AGBL2: variants seen among roughly 807,000 people sequenced by gnomAD.
The protein encoded by AGBL2 is cytosolic carboxypeptidase 2.
A neutral mutation model predicts 103.0 loss-of-function variants in AGBL2; 87 were observed. The ratio of observed to expected loss-of-function variants is 0.84; its 90% CI spans 0.71 to 1.01. The LOEUF (loss-of-function observed/expected upper bound fraction) is 1.01. AGBL2 is among the 50% of genes least tolerant of loss of function. AGBL2 has a pLI of 0.00. For synonymous variants in AGBL2, 335 were observed against 356.7 expected (o/e 0.94, Z 0.69); for missense variants, 904 against 1,023.5 (o/e 0.88, Z 1.59).
intron 11 of AGBL2, among the ~76,000 whole-genome samples, 161 bp from the exon 12 acceptor site, chr11:47,682,256 CA>C (rs777127776): frequency 1.3e-5 from 2 of 152,040 alleles, no homozygotes; most frequent in Non-Finnish European, 2.9e-5. Context: ...ACAGGTATTA[CA>C]GGGGAAAAAG....
chr11:47,677,933 T>TA (rs2097382098), intron 13 of AGBL2, among the ~76,000 whole-genome samples: 1 of 152,130 alleles, frequency 6.6e-6, no homozygotes, highest in African/African-American at 2.4e-5. Context: ...AGCACTGCTC[T>TA]AGCCACTTTT....
chr11:47,696,937 T>G (rs539139908), intron 8 of AGBL2, among the ~76,000 whole-genome samples: 82 of 152,262 alleles, frequency 5.4e-4, no homozygotes, highest in Non-Finnish European at 8.5e-4. Flanking sequence ...TTTATTTATT[T>G]ATTGATTTTT....
chr11:47,691,729 A>AAAAAAAAAAAAAAAT, intron 9 of AGBL2, among the ~76,000 whole-genome samples: 6 of 4,856 alleles, frequency 1.2e-3, no homozygotes, highest in Admixed American at 4.2e-3. Flanking sequence ...AAAAAAAAAA[A>AAAAAAAAAAAAAAAT]ATATATATAT....
intron 8 of AGBL2, among the ~76,000 whole-genome samples, chr11:47,695,419 G>A (rs1435021698): frequency 3.4e-5 from 5 of 147,202 alleles, no homozygotes; most frequent in Non-Finnish European, 7.4e-5. Context: ...AGATTGCGGT[G>A]AGCCGAAATC....
chr11:47,710,343 G>A, intron 4 of AGBL2, 34 bp downstream of exon 4: 1 of 1,613,628 alleles, frequency 6.2e-7, no homozygotes, highest in Middle Eastern at 1.7e-4. Flanking sequence ...AGGCAATGAG[G>A]TTCTAGAGGT....
intron 3 of AGBL2, chr11:47,713,937 G>T: frequency 4.7e-6 from 1 of 214,344 alleles, no homozygotes; most frequent in Non-Finnish European, 9.5e-6. Flanking sequence ...GAACAGCCGT[G>T]ACACTTCTGA....
rs1334413475 is a variant in AGBL2, at chr11:47,682,087, A to G, written c.1797T>C (p.Phe599=). The G allele has an allele frequency of 6.2e-7, 1 of 1,613,424 alleles. No individual in the cohort carries two copies. Among genetic ancestry groups the G allele is most frequent in the Admixed American group, 1.7e-5 (1 of 59,786 alleles). The change falls in exon 12 of 19, where the codon TTT becomes TTC. Residue 599 remains phenylalanine (F), a synonymous_variant. Coordinates refer to ENST00000525123, the MANE Select transcript of AGBL2 (RefSeq NM_024783.4). The stretch of plus-strand genomic sequence containing the variant: ...TTTGGACCTTAAAATTACAACTGTG[A>G]AAAGAGAACTAAAAAGAAATCCAAA... ...LCKNAPDKFS[F]HSCNFKVQKC...
intron 7 of AGBL2, among the ~76,000 whole-genome samples, chr11:47,703,092 C>T (rs555407801): frequency 4.6e-5 from 7 of 151,842 alleles, no homozygotes; most frequent in East Asian, 1.9e-4. Flanking sequence ...TCCACCATTC[C>T]GACAAGAAAA....
chr11:47,678,343 A>ATTATTATTT (rs2097385523), intron 13 of AGBL2, among the ~76,000 whole-genome samples: 2 of 116,870 alleles, frequency 1.7e-5, no homozygotes, highest in South Asian at 7.2e-4. Flanking sequence ...TTATTATTTT[A>ATTATTATTT]TTTTTTTTGA....
rs528134558 is a variant in AGBL2, at chr11:47,711,690, T to C, written c.98-1179A>G. Among the ~76,000 whole-genome samples the C allele has an allele frequency of 9.8e-4, 149 of 152,190 alleles. 1 individual carries two copies. Among genetic ancestry groups the C allele is most frequent in the African/African-American group, 3.3e-3 (139 of 41,542 alleles). ...CTGGGATTACAGGCGTGCAACACCA[T>C]GCCCAGCTAATTTTTTGTATTTTTA... On this transcript the variant is annotated intron_variant, in intron 3 of 18. Transcript: ENST00000525123.
chr11:47,714,098 A>C (rs1453068934), intron 3 of AGBL2, 186 bp downstream of exon 3: 1 of 583,550 alleles, frequency 1.7e-6, no homozygotes, highest in African/African-American at 1.9e-5. Context: ...GATGCTGTCT[A>C]CTTGACAGAG....
chr11:47,683,070 G>GA (rs1565037385), intron 11 of AGBL2, among the ~76,000 whole-genome samples: 1 of 152,034 alleles, frequency 6.6e-6, no homozygotes, highest in Non-Finnish European at 1.5e-5. Context: ...AAAGAGAAGA[G>GA]AAGAGAAAGA....
At chr11:47,708,635 G>A (rs561753304) in intron 4 of AGBL2, among the ~76,000 whole-genome samples, 225 of 151,310 alleles carry the variant, frequency 1.5e-3, no homozygotes, top group Non-Finnish European at 2.4e-3. Context: ...TCAACATGGT[G>A]AAACCCCGTC....
intron 8 of AGBL2, among the ~76,000 whole-genome samples, chr11:47,698,519 G>T (rs1172220933): frequency 2.0e-5 from 3 of 152,108 alleles, no homozygotes; most frequent in African/African-American, 7.2e-5. Flanking sequence ...TTTGGGTTTA[G>T]TTGGCTCTTA....
At chr11:47,709,100 C>T (rs940542398) in intron 4 of AGBL2, among the ~76,000 whole-genome samples, 10 of 152,090 alleles carry the variant, frequency 6.6e-5, no homozygotes, top group Admixed American at 4.6e-4. Context: ...CCAGCCTGGG[C>T]GACAAGAGCG....
intron 14 of AGBL2, among the ~76,000 whole-genome samples, chr11:47,674,007 G>C (rs1252652760): frequency 2.0e-5 from 3 of 151,640 alleles, no homozygotes; most frequent in Non-Finnish European, 4.4e-5. Context: ...CAGGAGAATA[G>C]CTTAAACCTG....
chr11:47,664,909 T>C (rs2097337455), intron 17 of AGBL2, among the ~76,000 whole-genome samples: 1 of 148,528 alleles, frequency 6.7e-6, no homozygotes. Flanking sequence ...TTTAGCAAGG[T>C]CTTGCTCTGT....
intron 4 of AGBL2, among the ~76,000 whole-genome samples, chr11:47,708,706 CG>C (rs2097528500): frequency 6.6e-6 from 1 of 151,170 alleles, no homozygotes; most frequent in Non-Finnish European, 1.5e-5. Context: ...CCCAGCTACT[CG>C]GGAGGCTGAG....
intron 7 of AGBL2, among the ~76,000 whole-genome samples, chr11:47,700,557 C>T (rs1040744943): frequency 4.6e-5 from 7 of 151,658 alleles, no homozygotes; most frequent in South Asian, 4.2e-4. Flanking sequence ...CCAGCCTGGG[C>T]GAACAGAGCA....
Sources: allele counts gnomAD v4.1 joint callset (sites outside exome capture counted in the v4.1 genomes callset), GRCh38; gene constraint gnomAD v4.1.1; transcripts MANE v1.5; gene names NCBI Gene and HGNC (gene_info 2026-07-23, HGNC 2026-07-21).